The following BRCA1 variants were observed in gnomAD, a reference collection of about 807,000 sequenced individuals.
BRCA1 encodes the protein BRCA1 DNA repair associated, also known as breast cancer type 1 susceptibility protein.
In BRCA1, 140 loss-of-function variants were observed where a neutral mutation model predicts 173.7. That is an observed-to-expected ratio of 0.81 (90% CI 0.70 to 0.93). BRCA1 has a LOEUF of 0.93. BRCA1 is among the 40% of genes least tolerant of loss of function. BRCA1 has a pLI of 0.00. For synonymous variants in BRCA1, 662 were observed against 756.0 expected, an observed-to-expected ratio of 0.88 and a Z score of 2.04; for missense variants, 1,983 against 2,172.5, an observed-to-expected ratio of 0.91 and a Z score of 1.73.
At position 43,045,366 on chromosome 17, in the gene BRCA1, A is replaced by G; in HGVS notation, c.*312T>C. On this transcript the variant is annotated 3_prime_UTR_variant, in exon 23 of 23. Coordinates refer to ENST00000357654, the MANE Select transcript of BRCA1 (RefSeq NM_007294.4). ...TAAGCCAACAACAGCCTGAATAGAA[A>G]GAATAGGGCTGATAAATAATGAATC... is the stretch of plus-strand genomic sequence containing the variant. 1.7e-6 allele frequency: 1 copy of G among 599,552 alleles called. No individual in the cohort carries two copies. Among genetic ancestry groups the G allele is most frequent in the South Asian group, 1.5e-5 (1 of 65,810 alleles). The allele number at this position is 599,552 out of a possible 1,614,324, so 37.1% of individuals were successfully genotyped here. A position where few individuals can be genotyped will look rare whatever the true frequency, so the allele number is the denominator to read the frequency against.
chr17:43,125,398 T>C (rs1380213941), upstream of BRCA1: 1 of 397,148 alleles, frequency 2.5e-6, no homozygotes, highest in East Asian at 7.3e-5. Context: ...TTTTAATTTA[T>C]CTGTAATTCC....
chr17:43,066,812 C>CTTTTTT (rs34253779), intron 16 of BRCA1, among the ~76,000 whole-genome samples: 25 of 112,242 alleles, frequency 2.2e-4, no homozygotes, highest in African/African-American at 9.1e-4. Context: ...CCCTCCAAAC[C>CTTTTTT]TTTTTTTTTT....
At position 43,070,965 on chromosome 17, in the gene BRCA1, ATTC is replaced by A. The variant is rs1597830403; in HGVS notation, c.4946_4948del (p.Arg1649del). 1 of 1,614,194 alleles carries A rather than the reference ATTC, an allele frequency of 6.2e-7. No homozygotes were observed. On this transcript the variant is annotated inframe_deletion, in exon 15 of 23. Transcript: ENST00000357654. ...GGTCAGGCCAGACACCACCATGGAC[ATTC>A]TTTTGTTGACCCTTTCTGTTGAAGC...
At chr17:43,097,412 A>T in intron 7 of BRCA1, 123 bp from the exon 8 acceptor site, 1 of 875,416 alleles carries the variant, frequency 1.1e-6, no homozygotes, top group Non-Finnish European at 1.9e-6. Context: ...CTACTGTGGC[A>T]GGTACAATGC....
At chr17:43,097,396 G>T in intron 7 of BRCA1, 107 bp from the exon 8 acceptor site, 1 of 958,788 alleles carries the variant, frequency 1.0e-6, no homozygotes, top group Non-Finnish European at 1.7e-6. Context: ...AATATTTACT[G>T]AGCATCTACT....
intron 13 of BRCA1, among the ~76,000 whole-genome samples, chr17:43,075,533 T>C (rs2052671104): frequency 6.6e-6 from 1 of 152,106 alleles, no homozygotes; most frequent in Admixed American, 6.6e-5. Flanking sequence ...GGATTGAAGA[T>C]GGGTGAGACC....
chr17:43,132,363 G>A (rs1489918600), intron 1 of BRCA1, among the ~76,000 whole-genome samples: 1 of 152,114 alleles, frequency 6.6e-6, no homozygotes, highest in Non-Finnish European at 1.5e-5. Context: ...GGGTTGCCCT[G>A]AGCCCCACAC....
upstream of BRCA1, among the ~76,000 whole-genome samples, chr17:43,125,927 A>T (rs8176072): frequency 5.0e-3 from 757 of 152,356 alleles, 4 homozygotes; most frequent in Middle Eastern, 0.01. Flanking sequence ...TTCTCACGGA[A>T]ATCCAGTGGA....
At chr17:43,156,215 C>T (rs558194756) in intron 1 of BRCA1, among the ~76,000 whole-genome samples, 56 of 150,454 alleles carry the variant, frequency 3.7e-4, no homozygotes, top group African/African-American at 9.5e-4. Flanking sequence ...CCAGCCTGGG[C>T]GACAGAGTGA....
chr17:43,145,900 TA>T (rs2056118738), intron 1 of BRCA1, among the ~76,000 whole-genome samples: 1 of 152,190 alleles, frequency 6.6e-6, no homozygotes, highest in South Asian at 2.1e-4. Context: ...CAAAGCATAT[TA>T]AATGGCAATA....
At chr17:43,098,819 C>CT (rs1229817948) in intron 7 of BRCA1, among the ~76,000 whole-genome samples, 2,189 of 138,772 alleles carry the variant, frequency 0.016, 36 homozygotes, top group African/African-American at 0.041. Context: ...AGATTCAGCT[C>CT]TTTTTTTTTT....
rs786202263 is a variant in BRCA1 at position 43,094,753 on chromosome 17, T to C, written c.778A>G (p.Lys260Glu). 6.2e-7 allele frequency: 1 copy of C among 1,610,844 alleles called. No homozygotes were observed. The highest frequency in any genetic ancestry group is 1.3e-5 in the African/African-American group (1 of 74,814). ...TTTGAAACAGAACTACCCTGATACT[T>C]TTCTGGATGCCTCTCAGCTGCACGC... is the stretch of plus-strand genomic sequence containing the variant. ...EKRAAERHPE[K>E]YQGSSVSNLH... Residue 260 changes from lysine (K) to glutamate (E), a missense_variant, in exon 10 of 23, where the codon AAG becomes GAG. By Grantham distance (56) the Lys-to-Glu change is moderately conservative (BLOSUM62 1). Coordinates refer to ENST00000357654, the MANE Select transcript of BRCA1 (RefSeq NM_007294.4).
intron 1 of BRCA1, chr17:43,144,829 TG>T: frequency 2.2e-6 from 1 of 447,210 alleles, no homozygotes; most frequent in South Asian, 1.8e-5. Flanking sequence ...GAGACCAGCC[TG>T]GCCAACATAG....
intron 1 of BRCA1, chr17:43,138,567 A>G: frequency 1.4e-6 from 1 of 699,242 alleles, no homozygotes; most frequent in Non-Finnish European, 2.7e-6. Context: ...ACCTCCAAGT[A>G]TAAGTAGGGC....
At chr17:43,067,007 G>A (rs974277339) in intron 16 of BRCA1, among the ~76,000 whole-genome samples, 5 of 147,932 alleles carry the variant, frequency 3.4e-5, no homozygotes, top group African/African-American at 1.2e-4. Flanking sequence ...TAGTAGAGAC[G>A]GGGTTTCAAC....
At chr17:43,072,321 G>A (rs779192139) in intron 14 of BRCA1, among the ~76,000 whole-genome samples, 23 of 150,834 alleles carry the variant, frequency 1.5e-4, no homozygotes, top group Non-Finnish European at 3.1e-4. Context: ...CCCAGGAGGC[G>A]GAGGTTGCGC....
chr17:43,097,315 A>G (rs2054183667), intron 7 of BRCA1, 26 bp from the exon 8 acceptor site: 1 of 1,588,302 alleles, frequency 6.3e-7, no homozygotes, highest in Admixed American at 1.7e-5. Flanking sequence ...CCAAAAAATA[A>G]ATCAATAAAA....
intron 1 of BRCA1, chr17:43,166,682 C>T (rs1274078962): frequency 1.1e-4 from 17 of 152,222 alleles, no homozygotes; most frequent in Non-Finnish European, 2.5e-4. Flanking sequence ...GGCGCACACA[C>T]AGTTTTGCAG....
chr17:43,168,754 T>C (rs1337891769), intron 1 of BRCA1, among the ~76,000 whole-genome samples: 1 of 152,264 alleles, frequency 6.6e-6, no homozygotes, highest in Non-Finnish European at 1.5e-5. Flanking sequence ...ATAAATTCTG[T>C]ATTTTTTCAC....
Sources: gnomAD v4.1 joint callset for allele counts (sites outside exome capture counted in the v4.1 genomes callset) on GRCh38, gnomAD v4.1.1 for gene constraint, MANE v1.5 for transcripts, NCBI Gene and HGNC (gene_info 2026-07-23, HGNC 2026-07-21) for gene names.